PTPN3: variants seen among roughly 807,000 people sequenced by gnomAD.
PTPN3 encodes tyrosine-protein phosphatase non-receptor type 3.
PTPN3 carries 96 observed loss-of-function variants against 132.7 expected under a neutral mutation model. The observed-to-expected ratio is 0.72, with a 90% CI of 0.61 to 0.86. PTPN3 has a LOEUF of 0.86. Ranked by LOEUF, PTPN3 falls within the 40% of genes least tolerant of loss-of-function variation. PTPN3 has a pLI of 0.00. For missense variants in PTPN3, 1,125 were observed against 1,159.6 expected (o/e 0.97, Z 0.43); for synonymous variants, 398 against 429.0 (o/e 0.93, Z 0.89).
chr9:109,380,610 G>A (rs987267295), intron 25 of PTPN3, among the ~76,000 whole-genome samples: 15 of 152,268 alleles, frequency 9.9e-5, no homozygotes, highest in Admixed American at 9.8e-4. Flanking sequence ...AACCAGCCAC[G>A]AGGTCTTCCA....
At chr9:109,415,027 C>T (rs1430541168) in intron 14 of PTPN3, among the ~76,000 whole-genome samples, 5 of 151,894 alleles carry the variant, frequency 3.3e-5, no homozygotes, top group Admixed American at 3.3e-4. Context: ...ACCATTTGTC[C>T]GTCTGTCCGT....
rs1242696270 is a variant in PTPN3 at position 109,375,891 on chromosome 9, C to T, written c.*3665G>A. The T allele has an allele frequency of 3.9e-5, 6 of 152,182 alleles. No homozygotes were observed. Among genetic ancestry groups the T allele is most frequent in the Admixed American group, 3.9e-4 (6 of 15,282 alleles). 9.4% of individuals were successfully genotyped at this position (152,182 alleles called of 1,614,324 possible). A position where few individuals can be genotyped will look rare whatever the true frequency, so the allele number is the denominator to read the frequency against. ...AATGAGAGCTATGAGAATGGTGGCC[C>T]AGCCCGGCCATCAGACTCCCAAGCA... On this transcript the variant is annotated 3_prime_UTR_variant, in exon 26 of 26. Coordinates refer to ENST00000374541, the MANE Select transcript of PTPN3 (RefSeq NM_002829.4).
chr9:109,535,085 T>C, the PTPN3 span, among the ~76,000 whole-genome samples: 2 of 152,210 alleles, frequency 1.3e-5, no homozygotes, highest in Admixed American at 1.3e-4. Context: ...CCAGAGCTGG[T>C]AGGATGTGCG....
At chr9:109,417,648 C>T (rs1475523784) in intron 14 of PTPN3, 7 of 984,902 alleles carry the variant, frequency 7.1e-6, no homozygotes, top group Non-Finnish European at 8.4e-6. Flanking sequence ...AGACCCAGCA[C>T]AAAGTGGCTT....
chr9:109,382,290 C>A lies in PTPN3; in HGVS notation c.2528+12G>T. 6.2e-7 allele frequency: 1 copy of A among 1,613,054 alleles called. No individual in the cohort carries two copies. Among genetic ancestry groups the A allele is most frequent in the Admixed American group, 1.7e-5 (1 of 59,956 alleles). On this transcript the variant is annotated intron_variant, in intron 24 of 25. Coordinates refer to ENST00000374541, the MANE Select transcript of PTPN3 (RefSeq NM_002829.4). ...AAGGATTCCAAACCTAACAAAACAG[C>A]AAGCGCCATACCTGCAGTGAACTAG...
chr9:109,448,996 G>A, intron 5 of PTPN3, 141 bp from the exon 6 acceptor site: 2 of 1,453,270 alleles, frequency 1.4e-6, no homozygotes, highest in East Asian at 2.5e-5. Flanking sequence ...AAGGTATCAG[G>A]TGCTACCTTA....
intron 14 of PTPN3, among the ~76,000 whole-genome samples, chr9:109,418,865 G>A (rs1842702512): frequency 1.3e-5 from 2 of 152,216 alleles, no homozygotes; most frequent in Non-Finnish European, 2.9e-5. Flanking sequence ...AACCACCACA[G>A]GAAGCTCTGA....
At chr9:109,524,368 T>TA in the PTPN3 span, among the ~76,000 whole-genome samples, 935 of 63,228 alleles carry the variant, frequency 0.015, 54 homozygotes, top group East Asian at 0.1. Context: ...ATGAAGGAGG[T>TA]ACTATTATTC....
chr9:109,415,044 G>GTCCGTCCA (rs917897577), intron 14 of PTPN3, among the ~76,000 whole-genome samples: 3 of 146,684 alleles, frequency 2.0e-5, no homozygotes, highest in Non-Finnish European at 4.5e-5. Context: ...CCGTCCGTCC[G>GTCCGTCCA]TCCGTCCATC....
intron 1 of PTPN3, among the ~76,000 whole-genome samples, chr9:109,490,082 T>C (rs1179658076): frequency 6.7e-6 from 1 of 148,188 alleles, no homozygotes; most frequent in Non-Finnish European, 1.5e-5. Context: ...ACTTGGGAGG[T>C]TGAGGCAGGA....
intron 19 of PTPN3, among the ~76,000 whole-genome samples, 198 bp downstream of exon 19, chr9:109,404,248 CCT>C (rs1347183629): frequency 1.3e-5 from 2 of 152,162 alleles, no homozygotes; most frequent in East Asian, 1.9e-4. Context: ...CCTGCTGTGC[CCT>C]GTTATCCACG....
chr9:109,447,691 T>G (rs1844952980), intron 6 of PTPN3, among the ~76,000 whole-genome samples: 1 of 152,178 alleles, frequency 6.6e-6, no homozygotes, highest in South Asian at 2.1e-4. Context: ...GCCTGGATGC[T>G]ACAATAGCTT....
chr9:109,409,316 C>A (rs1012270870), intron 16 of PTPN3, among the ~76,000 whole-genome samples: 2 of 152,144 alleles, frequency 1.3e-5, no homozygotes, highest in African/African-American at 4.8e-5. Context: ...GAGGGGTTCT[C>A]TTAATAGCAT....
At chr9:109,534,206 A>C in the PTPN3 span, 293 of 1,246,496 alleles carry the variant, frequency 2.4e-4, no homozygotes, top group African/African-American at 3.5e-3. Context: ...GCTGATGTGA[A>C]GCCTCCCGGG....
intron 1 of PTPN3, among the ~76,000 whole-genome samples, chr9:109,485,235 C>T (rs936162945): frequency 6.6e-6 from 1 of 151,982 alleles, no homozygotes; most frequent in African/African-American, 2.4e-5. Flanking sequence ...CGGCCGGGCG[C>T]GGTGGCTCAC....
chr9:109,515,507 T>G, the PTPN3 span, among the ~76,000 whole-genome samples: 2 of 152,326 alleles, frequency 1.3e-5, no homozygotes, highest in African/African-American at 4.8e-5. Context: ...GTCTTTTCCT[T>G]GCAGCCCGAA....
At chr9:109,492,632 A>T (rs1367694471) in intron 1 of PTPN3, among the ~76,000 whole-genome samples, 4 of 152,258 alleles carry the variant, frequency 2.6e-5, no homozygotes, top group Non-Finnish European at 5.9e-5. Context: ...GAAGTTGATT[A>T]TACAATTTGG....
At chr9:109,488,339 A>G (rs1005309332) in intron 1 of PTPN3, among the ~76,000 whole-genome samples, 52 of 151,894 alleles carry the variant, frequency 3.4e-4, no homozygotes, top group Non-Finnish European at 2.1e-4. Context: ...ACCTCAGGTG[A>G]TCCACCCGCC....
chr9:109,442,901 G>A (rs1289229724), intron 7 of PTPN3, among the ~76,000 whole-genome samples: 1 of 152,058 alleles, frequency 6.6e-6, no homozygotes, highest in African/African-American at 2.4e-5. Flanking sequence ...GACTCAGCCA[G>A]GGATGGTCCA....
Sources: gnomAD v4.1 joint callset for allele counts (sites outside exome capture counted in the v4.1 genomes callset) on GRCh38, gnomAD v4.1.1 for gene constraint, MANE v1.5 for transcripts, NCBI Gene and HGNC (gene_info 2026-07-23, HGNC 2026-07-21) for gene names.